EIF2AK2: variants seen among roughly 807,000 people sequenced by gnomAD.
EIF2AK2 encodes the protein eukaryotic translation initiation factor 2 alpha kinase 2, also known as interferon-induced, double-stranded RNA-activated protein kinase.
In EIF2AK2, 40 loss-of-function variants were observed where a neutral mutation model predicts 70.5. The ratio of observed to expected loss-of-function variants is 0.57; its 90% CI spans 0.44 to 0.74. The LOEUF (loss-of-function observed/expected upper bound fraction) is 0.74, where lower values mean the gene tolerates loss of function less well. EIF2AK2 is among the 30% of genes least tolerant of loss of function. The probability of loss-of-function intolerance (pLI) is 0.00; values close to 1 mark genes in which losing one functional copy is unlikely to be tolerated. For synonymous variants in EIF2AK2, 198 were observed against 220.9 expected (o/e 0.90, Z 0.92); for missense variants, 555 against 644.3 (o/e 0.86, Z 1.50).
rs1675256703 is a variant in EIF2AK2 at position 37,139,613 on chromosome 2, T to C, written c.516+18A>G. ...GGAATTTTAAAACATAAAAATTTAA[T>C]CCAAAGGCAATACGTACCACTGAGG... On this transcript the variant is annotated intron_variant, in intron 6 of 16. Transcript: ENST00000233057. The C allele has an allele frequency of 6.2e-7, 1 of 1,602,632 alleles. No individual in the cohort carries two copies. Among genetic ancestry groups the C allele is most frequent in the Non-Finnish European group, 8.5e-7 (1 of 1,177,260 alleles).
chr2:37,105,105 T>C lies in EIF2AK2; in HGVS notation c.*2168A>G, dbSNP rs1469802331. 6.6e-6 allele frequency: 1 copy of C among 152,246 alleles called. No homozygotes were observed. The highest frequency in any genetic ancestry group is 1.9e-4 in the East Asian group (1 of 5,198). The allele number at this position is 152,246 out of a possible 1,614,324, so 9.4% of individuals were successfully genotyped here. ...TCTTTATGAACACTTTTTAAAGCCTTTATAAAACTATTTTCTCTTACTGTA... is the reference window on the plus strand; with the variant it reads ...TCTTTATGAACACTTTTTAAAGCCTCTATAAAACTATTTTCTCTTACTGTA... On this transcript the variant is annotated 3_prime_UTR_variant, in exon 17 of 17. Transcript: ENST00000233057.
intron 4 of EIF2AK2, among the ~76,000 whole-genome samples, chr2:37,142,527 C>A (rs545039217): frequency 6.6e-6 from 1 of 151,326 alleles, no homozygotes; most frequent in African/African-American, 2.4e-5. Flanking sequence ...GTAATTTCAA[C>A]CATTGTTATT....
chr2:37,116,741 A>G (rs1674355485), intron 13 of EIF2AK2, among the ~76,000 whole-genome samples: 1 of 152,234 alleles, frequency 6.6e-6, no homozygotes, highest in Non-Finnish European at 1.5e-5. Flanking sequence ...TTCCTATGCT[A>G]TGTTCAAGTT....
intron 1 of EIF2AK2, 175 bp from the exon 2 acceptor site, chr2:37,149,198 G>C: frequency 7.1e-6 from 8 of 1,121,638 alleles, no homozygotes; most frequent in Non-Finnish European, 9.5e-6. Context: ...TCGTGCCTGT[G>C]GTTCTACCAA....
At chr2:37,150,362 T>A (rs1048669144) in intron 1 of EIF2AK2, among the ~76,000 whole-genome samples, 27 of 152,212 alleles carry the variant, frequency 1.8e-4, no homozygotes, top group African/African-American at 6.3e-4. Context: ...GTTTTCACAA[T>A]GAAATAAAAC....
At chr2:37,149,986 T>C (rs1171584075) in intron 1 of EIF2AK2, among the ~76,000 whole-genome samples, 1 of 152,208 alleles carries the variant, frequency 6.6e-6, no homozygotes, top group African/African-American at 2.4e-5. Flanking sequence ...AAGTGAAATT[T>C]GAATCAAACA....
At chr2:37,108,916 A>G (rs2372443) in intron 15 of EIF2AK2, among the ~76,000 whole-genome samples, 5,377 of 152,262 alleles carry the variant, frequency 0.035, 129 homozygotes, top group Non-Finnish European at 0.052. Flanking sequence ...ACAGTGTCTT[A>G]CACAAAGCAG....
At chr2:37,145,276 G>A (rs1007411531) in intron 4 of EIF2AK2, among the ~76,000 whole-genome samples, 5 of 151,204 alleles carry the variant, frequency 3.3e-5, no homozygotes, top group South Asian at 2.1e-4. Flanking sequence ...CCAAGTAGCC[G>A]GAATTATAGG....
chr2:37,108,398 A>ACAGATCCTTCAGAGCC (rs1190089475), intron 15 of EIF2AK2, among the ~76,000 whole-genome samples: 1 of 152,164 alleles, frequency 6.6e-6, no homozygotes, highest in Non-Finnish European at 1.5e-5. Flanking sequence ...TTAGAAGCCA[A>ACAGATCCTTCAGAGCC]CAGATCCTTC....
At position 37,141,715 on chromosome 2, in the gene EIF2AK2, A is replaced by T; in HGVS notation, c.241-14T>A. The T allele has an allele frequency of 6.3e-7, 1 of 1,590,502 alleles. No homozygotes were observed. Among genetic ancestry groups the T allele is most frequent in the East Asian group, 2.2e-5 (1 of 44,656 alleles). On this transcript the variant is annotated splice_polypyrimidine_tract_variant and intron_variant, in intron 4 of 16. Transcript: ENST00000233057. ...AGGACTAACTGCCTACAAAGAAAAA[A>T]AATTCCTGTTTAATATAAATGACAA...
intron 8 of EIF2AK2, among the ~76,000 whole-genome samples, 164 bp downstream of exon 8, chr2:37,138,106 C>T (rs1675190349): frequency 8.4e-6 from 1 of 118,370 alleles, no homozygotes; most frequent in Non-Finnish European, 1.7e-5. Context: ...GAGACTCCAT[C>T]TCAAAAAAAA....
intron 10 of EIF2AK2, among the ~76,000 whole-genome samples, chr2:37,131,748 T>C (rs549014552): frequency 1.3e-5 from 2 of 152,224 alleles, no homozygotes; most frequent in South Asian, 2.1e-4. Context: ...CCAAGCAGGA[T>C]ATGCAGTCAC....
chr2:37,135,636 T>C (rs963912419), intron 9 of EIF2AK2, 90 bp from the exon 10 acceptor site: 35 of 1,273,356 alleles, frequency 2.7e-5, no homozygotes, highest in Admixed American at 1.0e-4. Context: ...TTCTTTCTTT[T>C]TTTTTCTTCA....
Position 37,146,841 on chromosome 2 carries a change from G to A in EIF2AK2, c.240+12C>T, listed in dbSNP as rs1181278204. 1.2e-6 allele frequency: 2 copies of A among 1,604,896 alleles called. No individual in the cohort carries two copies. The highest frequency in any genetic ancestry group is 1.7e-6 in the Non-Finnish European group (2 of 1,177,662). On this transcript the variant is annotated intron_variant, in intron 4 of 16. Transcript: ENST00000233057. Reference sequence around the variant, plus strand: ...AAGTTCCCATTTATTAGGAAAAAAGGCAATCACTCACCTTCTTTTCCTTAT... The same window carrying A: ...AAGTTCCCATTTATTAGGAAAAAAGACAATCACTCACCTTCTTTTCCTTAT...
intron 10 of EIF2AK2, among the ~76,000 whole-genome samples, 157 bp downstream of exon 10, chr2:37,135,327 C>G (rs2148696653): frequency 6.6e-6 from 1 of 152,348 alleles, no homozygotes; most frequent in Non-Finnish European, 1.5e-5. Flanking sequence ...TGGGCCCCCT[C>G]TTAATGATAA....
chr2:37,107,103 A>T lies in EIF2AK2; in HGVS notation c.*170T>A. On this transcript the variant is annotated 3_prime_UTR_variant, in exon 17 of 17. Coordinates refer to ENST00000233057, the MANE Select transcript of EIF2AK2 (RefSeq NM_001135651.3). ...AAAGTAAAATGTAAGAATGTTTTTGAAGCAAAAAGAAGAAAACCTTTCTGT... is the reference window on the plus strand; with the variant it reads ...AAAGTAAAATGTAAGAATGTTTTTGTAGCAAAAAGAAGAAAACCTTTCTGT... 1 of 830,222 alleles carries T rather than the reference A, an allele frequency of 1.2e-6. No homozygotes were observed. The highest frequency in any genetic ancestry group is 1.7e-6 in the Non-Finnish European group (1 of 586,822). The allele number at this position is 830,222 out of a possible 1,614,324, so 51.4% of individuals were successfully genotyped here.
chr2:37,137,868 T>G (rs561359052), intron 8 of EIF2AK2, among the ~76,000 whole-genome samples: 1 of 152,134 alleles, frequency 6.6e-6, no homozygotes, highest in African/African-American at 2.4e-5. Flanking sequence ...ATCCCAGCAC[T>G]TGGGGAGGCC....
intron 4 of EIF2AK2, among the ~76,000 whole-genome samples, chr2:37,145,229 G>A (rs1170583702): frequency 1.4e-5 from 2 of 141,982 alleles, no homozygotes; most frequent in South Asian, 2.3e-4. Flanking sequence ...TGCAACCTCC[G>A]CTTCCTGAGT....
chr2:37,150,654 T>C (rs1011013356), intron 1 of EIF2AK2, among the ~76,000 whole-genome samples: 1 of 152,206 alleles, frequency 6.6e-6, no homozygotes, highest in Non-Finnish European at 1.5e-5. Context: ...AGTGACTAGT[T>C]GAGTGGTAAA....
Sources: gnomAD v4.1 joint callset for allele counts (sites outside exome capture counted in the v4.1 genomes callset) on GRCh38, gnomAD v4.1.1 for gene constraint, MANE v1.5 for transcripts, NCBI Gene and HGNC (gene_info 2026-07-23, HGNC 2026-07-21) for gene names.